The following CTNNA2 variants were observed in gnomAD, a reference collection of about 807,000 sequenced individuals.
CTNNA2 encodes catenin alpha-2.
CTNNA2 carries 42 observed loss-of-function variants against 101.0 expected under a neutral mutation model. That is an observed-to-expected ratio of 0.42 (90% confidence interval 0.32 to 0.54). The LOEUF (loss-of-function observed/expected upper bound fraction) is 0.54. Among genes scored for constraint, CTNNA2 ranks in the 20% least tolerant of loss-of-function variants. CTNNA2 has a pLI of 0.14. For synonymous variants in CTNNA2, 450 were observed against 456.4 expected, an observed-to-expected ratio of 0.99 and a Z score of 0.18; for missense variants, 871 against 1,223.1, an observed-to-expected ratio of 0.71 and a Z score of 4.29.
intron 7 of CTNNA2, among the ~76,000 whole-genome samples, chr2:80,199,454 CT>C (rs1707063521): frequency 6.6e-6 from 1 of 152,102 alleles, no homozygotes; most frequent in Non-Finnish European, 1.5e-5. Context: ...TCATCTCTGT[CT>C]TGAATATTTC....
chr2:79,595,295 C>A (rs1038085101), intron 1 of CTNNA2, among the ~76,000 whole-genome samples: 1 of 152,088 alleles, frequency 6.6e-6, no homozygotes, highest in Non-Finnish European at 1.5e-5. Flanking sequence ...CGTATGTTCC[C>A]GTGGTAATTT....
At chr2:80,267,201 C>G (rs1673068422) in intron 7 of CTNNA2, among the ~76,000 whole-genome samples, 1 of 152,140 alleles carries the variant, frequency 6.6e-6, no homozygotes, top group South Asian at 2.1e-4. Flanking sequence ...TCACTTCCCC[C>G]ACATCTTCCC....
chr2:79,645,923 T>C (rs1680784381), intron 1 of CTNNA2, among the ~76,000 whole-genome samples: 1 of 152,206 alleles, frequency 6.6e-6, no homozygotes, highest in Non-Finnish European at 1.5e-5. Flanking sequence ...TCTGAATTTG[T>C]ATCAACTAAA....
At chr2:79,930,276 A>AG (rs1687311212) in intron 7 of CTNNA2, among the ~76,000 whole-genome samples, 1 of 13,938 alleles carries the variant, frequency 7.2e-5, no homozygotes, top group African/African-American at 1.3e-4. Context: ...GAAAGAAAGA[A>AG]AGAGAGAGAG....
chr2:80,167,962 G>T (rs899664566), intron 7 of CTNNA2, among the ~76,000 whole-genome samples: 1 of 152,154 alleles, frequency 6.6e-6, no homozygotes, highest in African/African-American at 2.4e-5. Flanking sequence ...TTTAATCAGC[G>T]TGTATTTGTG....
At chr2:79,619,302 G>A (rs1678848044) in intron 1 of CTNNA2, among the ~76,000 whole-genome samples, 1 of 152,140 alleles carries the variant, frequency 6.6e-6, no homozygotes, top group African/African-American at 2.4e-5. Context: ...TAAGAAAGAA[G>A]AAGGGCACTG....
intron 1 of CTNNA2, among the ~76,000 whole-genome samples, chr2:79,636,638 G>A (rs1424702088): frequency 6.6e-6 from 1 of 152,076 alleles, no homozygotes; most frequent in Non-Finnish European, 1.5e-5. Flanking sequence ...TTTAGATAAG[G>A]AATGTGTGAT....
intron 7 of CTNNA2, among the ~76,000 whole-genome samples, chr2:80,205,509 A>C (rs185650179): frequency 6.6e-6 from 1 of 152,252 alleles, no homozygotes; most frequent in Non-Finnish European, 1.5e-5. Context: ...GGTAAAGAAG[A>C]TGGATAATTT....
intron 4 of CTNNA2, among the ~76,000 whole-genome samples, chr2:79,865,570 A>G (rs913612189): frequency 6.6e-6 from 1 of 152,100 alleles, no homozygotes; most frequent in African/African-American, 2.4e-5. Context: ...ATAGCCAGCA[A>G]TTTTCTACAG....
At chr2:79,581,711 T>C (rs1301169596) in intron 1 of CTNNA2, among the ~76,000 whole-genome samples, 1 of 152,178 alleles carries the variant, frequency 6.6e-6, no homozygotes, top group Admixed American at 6.6e-5. Flanking sequence ...AAAAATAGAT[T>C]GAAGGTATGC....
intron 2 of CTNNA2, among the ~76,000 whole-genome samples, chr2:79,219,487 A>T (rs1056262280): frequency 2.0e-5 from 3 of 152,228 alleles, no homozygotes; most frequent in Admixed American, 2.0e-4. Flanking sequence ...TTAAATTTAA[A>T]TAGCCATATG....
intron 6 of CTNNA2, among the ~76,000 whole-genome samples, chr2:79,904,001 A>G (rs1685247557): frequency 6.6e-6 from 1 of 152,108 alleles, no homozygotes; most frequent in Admixed American, 6.5e-5. Flanking sequence ...ACATGTGACC[A>G]GCTTCAGTTG....
chr2:79,830,083 C>CTGAGAGAGACTGAGAGACT (rs1678810008), intron 3 of CTNNA2, among the ~76,000 whole-genome samples: 1 of 152,036 alleles, frequency 6.6e-6, no homozygotes. Context: ...CTGAGAGAGA[C>CTGAGAGAGACTGAGAGACT]GAGGGCAGGG....
At chr2:79,409,084 G>A (rs1174278448) in intron 4 of CTNNA2, among the ~76,000 whole-genome samples, 1 of 152,082 alleles carries the variant, frequency 6.6e-6, no homozygotes, top group Non-Finnish European at 1.5e-5. Flanking sequence ...TTTTTTGGCT[G>A]CATAAATGTC....
At chr2:79,761,967 A>G (rs144033738) in intron 3 of CTNNA2, among the ~76,000 whole-genome samples, 51 of 152,302 alleles carry the variant, frequency 3.3e-4, no homozygotes, top group African/African-American at 1.1e-3. Context: ...TCTGAATAAC[A>G]AGCACTTGCT....
At chr2:80,239,971 A>G (rs906460777) in intron 7 of CTNNA2, among the ~76,000 whole-genome samples, 9 of 152,200 alleles carry the variant, frequency 5.9e-5, no homozygotes, top group Non-Finnish European at 4.4e-5. Flanking sequence ...ATACTGTAAT[A>G]AAAGCTGTGT....
chr2:80,262,489 G>A (rs1302908015), intron 7 of CTNNA2, among the ~76,000 whole-genome samples: 1 of 152,148 alleles, frequency 6.6e-6, no homozygotes, highest in African/African-American at 2.4e-5. Flanking sequence ...AAATGTAACT[G>A]CTGAGTAGAA....
intron 2 of CTNNA2, among the ~76,000 whole-genome samples, chr2:79,726,207 T>G (rs941686486): frequency 1.3e-5 from 2 of 152,198 alleles, no homozygotes; most frequent in Non-Finnish European, 2.9e-5. Context: ...CAGCTTTCTT[T>G]TGGTCCATCA....
At chr2:80,392,336 A>G (rs899553554) in intron 7 of CTNNA2, among the ~76,000 whole-genome samples, 7 of 152,310 alleles carry the variant, frequency 4.6e-5, no homozygotes, top group African/African-American at 1.7e-4. Context: ...AAATTTAGAT[A>G]ATTTAATCAA....
Sources: gnomAD v4.1 joint callset for allele counts (sites outside exome capture counted in the v4.1 genomes callset) on GRCh38, gnomAD v4.1.1 for gene constraint, MANE v1.5 for transcripts, NCBI Gene and HGNC (gene_info 2026-07-23, HGNC 2026-07-21) for gene names.